Variants in PDE11A observed in about 807,000 individuals in gnomAD.
PDE11A encodes dual 3',5'-cyclic-AMP and -GMP phosphodiesterase 11A.
Under a neutral mutation model 100.5 loss-of-function variants are expected in PDE11A, and 100 were observed. That is an observed-to-expected ratio of 1.00 (90% CI 0.85 to 1.18). The LOEUF (loss-of-function observed/expected upper bound fraction) is 1.18. Ranked by LOEUF, PDE11A falls within the 50% of genes most tolerant of loss-of-function variation. The probability of loss-of-function intolerance (pLI) is 0.00; values close to 1 mark genes in which losing one functional copy is unlikely to be tolerated. For synonymous variants in PDE11A, 381 were observed against 420.8 expected (o/e 0.91, Z 1.16); for missense variants, 1,141 against 1,152.6 (o/e 0.99, Z 0.15).
At chr2:177,677,095 G>T (rs1031951146) in intron 16 of PDE11A, among the ~76,000 whole-genome samples, 2 of 152,152 alleles carry the variant, frequency 1.3e-5, no homozygotes, top group Non-Finnish European at 2.9e-5. Context: ...TCATAATGTG[G>T]ATAATTACTT....
chr2:178,071,417 GTAT>G, intron 1 of PDE11A, 106 bp downstream of exon 1: 1 of 1,378,596 alleles, frequency 7.3e-7, no homozygotes, highest in Non-Finnish European at 1.0e-6. Flanking sequence ...AGCAAAATTT[GTAT>G]TGTAAAGAGC....
At chr2:178,066,375 G>C (rs1410363472) in intron 1 of PDE11A, among the ~76,000 whole-genome samples, 1 of 152,176 alleles carries the variant, frequency 6.6e-6, no homozygotes, top group Non-Finnish European at 1.5e-5. Context: ...ATGCTATGCT[G>C]TGCGAGATTC....
intron 2 of PDE11A, among the ~76,000 whole-genome samples, chr2:177,942,336 T>C (rs1233713861): frequency 6.6e-6 from 1 of 152,200 alleles, no homozygotes; most frequent in East Asian, 1.9e-4. Flanking sequence ...ACCTGGCACC[T>C]AACAAGTGCC....
At chr2:178,021,953 G>C (rs1341819276) in intron 1 of PDE11A, among the ~76,000 whole-genome samples, 1 of 152,160 alleles carries the variant, frequency 6.6e-6, no homozygotes, top group Admixed American at 6.5e-5. Context: ...GACAGCTGGA[G>C]GCTGATGAGA....
chr2:177,679,855 T>G (rs2080834737), intron 16 of PDE11A, among the ~76,000 whole-genome samples: 1 of 151,434 alleles, frequency 6.6e-6, no homozygotes, highest in Non-Finnish European at 1.5e-5. Flanking sequence ...GTGGAAGGAA[T>G]GGAATTAGGG....
Position 178,019,270 on chromosome 2 carries a change from G to A in PDE11A, c.913-4810C>T, listed in dbSNP as rs189218995. On this transcript the variant is annotated intron_variant, in intron 1 of 19. Transcript: ENST00000286063. The stretch of plus-strand genomic sequence containing the variant: ...AATCCTAAGAAGAGGAGCTTGGAAA[G>A]CTGCTGAATATAGAGAAGTTCCGTT... Among the ~76,000 whole-genome samples, 261 of 152,322 alleles carry A rather than the reference G, an allele frequency of 1.7e-3. 2 individuals are homozygous for A. The highest frequency in any genetic ancestry group is 1.6e-3 in the Non-Finnish European group (106 of 68,028).
chr2:177,767,738 G>T lies in PDE11A; in HGVS notation c.1788+1585C>A, dbSNP rs187826887. 8.5e-4 allele frequency among the ~76,000 whole-genome samples: 130 copies of T among 152,172 alleles called. 2 individuals are homozygous for T. The East Asian group carries it at 0.019, about 23-fold the overall frequency. On this transcript the variant is annotated intron_variant, in intron 10 of 19. Coordinates refer to ENST00000286063, the MANE Select transcript of PDE11A (RefSeq NM_016953.4). ...TGCTTCGAGTTCTAGAACCATTGGTGCTCTTCAGATGTATTTATTCATTCA... is the reference window on the plus strand; with the variant it reads ...TGCTTCGAGTTCTAGAACCATTGGTTCTCTTCAGATGTATTTATTCATTCA...
chr2:177,963,762 A>C (rs1316354943), intron 2 of PDE11A, among the ~76,000 whole-genome samples: 2 of 152,188 alleles, frequency 1.3e-5, no homozygotes, highest in Non-Finnish European at 2.9e-5. Flanking sequence ...GCCACAAATA[A>C]AACTTGAGGA....
At chr2:177,878,495 C>T (rs531288537) in intron 4 of PDE11A, among the ~76,000 whole-genome samples, 44 of 152,254 alleles carry the variant, frequency 2.9e-4, no homozygotes, top group African/African-American at 9.6e-4. Context: ...AGTGCAACTA[C>T]CCTCAGGCCA....
intron 1 of PDE11A, among the ~76,000 whole-genome samples, chr2:178,058,559 A>C (rs2086927681): frequency 6.6e-6 from 1 of 152,206 alleles, no homozygotes; most frequent in Non-Finnish European, 1.5e-5. Context: ...TGAGTCCATT[A>C]AGCCTCTTTT....
chr2:177,839,278 A>G (rs1033563564), intron 6 of PDE11A, among the ~76,000 whole-genome samples: 2 of 152,170 alleles, frequency 1.3e-5, no homozygotes, highest in East Asian at 1.9e-4. Flanking sequence ...CTGCCTCCAG[A>G]GCCATAGAGC....
intron 4 of PDE11A, among the ~76,000 whole-genome samples, chr2:177,882,736 G>T (rs2084364045): frequency 6.6e-6 from 1 of 152,100 alleles, no homozygotes; most frequent in Non-Finnish European, 1.5e-5. Context: ...CTCCCTGCTT[G>T]TTCTTTGGAA....
chr2:177,700,058 G>A (rs2081174059), intron 14 of PDE11A, among the ~76,000 whole-genome samples: 1 of 152,118 alleles, frequency 6.6e-6, no homozygotes, highest in South Asian at 2.1e-4. Flanking sequence ...TTTTTGGAGG[G>A]CAATTCCACA....
At chr2:178,103,242 T>C (rs886910806) in intron 2 of PDE11A, among the ~76,000 whole-genome samples, 4 of 152,106 alleles carry the variant, frequency 2.6e-5, no homozygotes, top group Non-Finnish European at 5.9e-5. Flanking sequence ...CTTGAAAACA[T>C]TATGCTAAGT....
At chr2:177,847,409 T>C (rs1447462912) in intron 5 of PDE11A, among the ~76,000 whole-genome samples, 2 of 152,092 alleles carry the variant, frequency 1.3e-5, no homozygotes, top group Non-Finnish European at 2.9e-5. Flanking sequence ...GGCCAACAAA[T>C]CCAATACTAA....
intron 19 of PDE11A, among the ~76,000 whole-genome samples, chr2:177,636,136 A>G (rs1255456258): frequency 6.6e-6 from 1 of 152,288 alleles, no homozygotes; most frequent in Admixed American, 6.5e-5. Flanking sequence ...GGATTTTTAT[A>G]ATAGCCATAC....
intron 3 of PDE11A, among the ~76,000 whole-genome samples, chr2:177,900,894 A>G (rs903869663): frequency 1.2e-4 from 18 of 152,224 alleles, no homozygotes; most frequent in Non-Finnish European, 1.9e-4. Context: ...TTGCAAAATT[A>G]TAACTGGGCT....
In PDE11A at chr2:177,813,562, A is replaced by G. The variant is rs192398184; in HGVS notation, c.1737+3267T>C. The stretch of plus-strand genomic sequence containing the variant: ...AATTATTAGTCTTTCCAGGGAATAT[A>G]TATGGAGAATATTTACTTTCAGAGG... On this transcript the variant is annotated intron_variant, in intron 9 of 19. Coordinates refer to ENST00000286063, the MANE Select transcript of PDE11A (RefSeq NM_016953.4). Among the ~76,000 whole-genome samples, 10 of 152,224 alleles carry G rather than the reference A, an allele frequency of 6.6e-5. No homozygotes were observed. The East Asian group carries it at 1.9e-3, about 29-fold the overall frequency.
chr2:177,792,333 C>A (rs2082644783), intron 9 of PDE11A, among the ~76,000 whole-genome samples: 1 of 152,108 alleles, frequency 6.6e-6, no homozygotes, highest in South Asian at 2.1e-4. Context: ...TAATATGTGC[C>A]AAATTGTTTT....
Sources: gnomAD v4.1 joint callset for allele counts (sites outside exome capture counted in the v4.1 genomes callset) on GRCh38, gnomAD v4.1.1 for gene constraint, MANE v1.5 for transcripts, NCBI Gene and HGNC (gene_info 2026-07-23, HGNC 2026-07-21) for gene names.